Variants in MEF2A observed in about 807,000 individuals in gnomAD.
MEF2A encodes myocyte-specific enhancer factor 2A.
Under a neutral mutation model 55.8 loss-of-function variants are expected in MEF2A, and 28 were observed. The ratio of observed to expected loss-of-function variants is 0.50; its 90% CI spans 0.37 to 0.69. The LOEUF is 0.69. Ranked by LOEUF, MEF2A falls within the 30% of genes least tolerant of loss-of-function variation. The pLI, the probability that MEF2A is intolerant of heterozygous loss-of-function variation, is 0.00. For synonymous variants in MEF2A, 239 were observed against 227.1 expected (o/e 1.05, Z -0.47); for missense variants, 528 against 626.2 (o/e 0.84, Z 1.67).
chr15:99,573,155 G>A (rs1003331090), intron 1 of MEF2A, among the ~76,000 whole-genome samples: 1 of 152,104 alleles, frequency 6.6e-6, no homozygotes, highest in Non-Finnish European at 1.5e-5. Flanking sequence ...GGGCGTGGTG[G>A]TGGGCACCAG....
At chr15:99,666,599 A>AATAATAATAAT (rs1227167823) in intron 4 of MEF2A, among the ~76,000 whole-genome samples, 3 of 148,460 alleles carry the variant, frequency 2.0e-5, no homozygotes, top group Admixed American at 6.7e-5. Flanking sequence ...TAATAATAAT[A>AATAATAATAAT]ATAATAATAA....
In MEF2A at chr15:99,715,858, A is replaced by G. The variant is rs1407289497; in HGVS notation, c.*3087A>G. The G allele has an allele frequency of 6.6e-6, 1 of 152,306 alleles. No homozygotes were observed. The highest frequency in any genetic ancestry group is 1.5e-5 in the Non-Finnish European group (1 of 68,140). The allele number at this position is 152,306 out of a possible 1,614,324, so 9.4% of individuals were successfully genotyped here. A position where few individuals can be genotyped will look rare whatever the true frequency, so the allele number is the denominator to read the frequency against. On this transcript the variant is annotated 3_prime_UTR_variant, in exon 12 of 12. Coordinates refer to ENST00000557942, the MANE Select transcript of MEF2A (RefSeq NM_001319206.4). The stretch of plus-strand genomic sequence containing the variant: ...TGTTGTGTGTACACAGGTGGTCCCA[A>G]TCAAAACTCCATCTTTTGAGCCCAA...
chr15:99,681,534 G>T (rs756910505), intron 7 of MEF2A, among the ~76,000 whole-genome samples: 1 of 152,214 alleles, frequency 6.6e-6, no homozygotes, highest in African/African-American at 2.4e-5. Context: ...CAGCATTCAT[G>T]CTTCATGAAG....
intron 3 of MEF2A, among the ~76,000 whole-genome samples, chr15:99,642,981 A>AAC (rs1268994107): frequency 1.3e-5 from 2 of 152,200 alleles, no homozygotes; most frequent in African/African-American, 4.8e-5. Context: ...GAGAGGAGTA[A>AAC]ACATGACTTT....
At chr15:99,570,853 G>T (rs536330974) in intron 1 of MEF2A, among the ~76,000 whole-genome samples, 2 of 151,930 alleles carry the variant, frequency 1.3e-5, no homozygotes, top group Non-Finnish European at 2.9e-5. Flanking sequence ...GATCAATAGA[G>T]TGGCAGTAAT....
chr15:99,604,565 C>T (rs1454644323), intron 2 of MEF2A, among the ~76,000 whole-genome samples: 1 of 151,770 alleles, frequency 6.6e-6, no homozygotes, highest in Non-Finnish European at 1.5e-5. Flanking sequence ...ATGCCCTTGT[C>T]AGTTCTGTTA....
intron 4 of MEF2A, among the ~76,000 whole-genome samples, chr15:99,652,301 G>C (rs2046979371): frequency 6.6e-6 from 1 of 152,164 alleles, no homozygotes; most frequent in African/African-American, 2.4e-5. Flanking sequence ...TAGATCCCTT[G>C]CTCGTGCAGT....
intron 3 of MEF2A, among the ~76,000 whole-genome samples, chr15:99,639,057 CA>C (rs2044410338): frequency 6.6e-6 from 1 of 152,058 alleles, no homozygotes; most frequent in Non-Finnish European, 1.5e-5. Context: ...AGAAAGAAAG[CA>C]GTTTAAAAAT....
chr15:99,658,115 A>G, intron 4 of MEF2A, among the ~76,000 whole-genome samples: 1 of 152,198 alleles, frequency 6.6e-6, no homozygotes, highest in Admixed American at 6.6e-5. Flanking sequence ...AGCAGAAAAT[A>G]GCTCTTATAT....
chr15:99,629,878 T>TG (rs369619355), intron 2 of MEF2A, among the ~76,000 whole-genome samples: 27 of 151,660 alleles, frequency 1.8e-4, no homozygotes, highest in African/African-American at 6.5e-4. Flanking sequence ...AAGCGGAAGT[T>TG]GCAGTGAGCC....
intron 4 of MEF2A, among the ~76,000 whole-genome samples, chr15:99,656,977 A>G (rs1171959849): frequency 6.6e-6 from 1 of 152,020 alleles, no homozygotes; most frequent in Non-Finnish European, 1.5e-5. Flanking sequence ...TCCTTCCCCT[A>G]CATCCTGGCA....
intron 7 of MEF2A, 77 bp from the exon 8 acceptor site, chr15:99,690,163 TG>T: frequency 7.2e-7 from 1 of 1,388,590 alleles, no homozygotes; most frequent in Non-Finnish European, 9.9e-7. Flanking sequence ...CAACTCAGAC[TG>T]GGGAAAACTT....
intron 3 of MEF2A, among the ~76,000 whole-genome samples, chr15:99,644,034 ATATT>A (rs1461967489): frequency 1.3e-5 from 2 of 152,220 alleles, no homozygotes; most frequent in South Asian, 2.1e-4. Flanking sequence ...TGTTAAATGA[ATATT>A]TAAAGAACCT....
chr15:99,671,395 T>G lies in MEF2A; in HGVS notation c.331T>G (p.Ser111Ala). 9 of 1,613,944 alleles carry G rather than the reference T, an allele frequency of 5.6e-6. No individual in the cohort carries two copies. The highest frequency in any genetic ancestry group is 7.6e-6 in the Non-Finnish European group (9 of 1,179,812). The change falls in exon 5 of 12, where the codon TCG (serine) becomes GCG (alanine). Residue 111 changes from serine to alanine, a missense_variant. Physicochemically the swap from Ser to Ala is moderately conservative, Grantham distance 99. Coordinates refer to ENST00000557942, the MANE Select transcript of MEF2A (RefSeq NM_001319206.4). Reference protein sequence around the residue: ...ADDYFEHSPLSEDRFSKLNED... With the variant: ...ADDYFEHSPLAEDRFSKLNED... Reference sequence around the variant, plus strand: ...CGATTACTTTGAGCACAGTCCACTCTCGGAGGACAGATTCAGCAAACTAAA... The same window carrying G: ...CGATTACTTTGAGCACAGTCCACTCGCGGAGGACAGATTCAGCAAACTAAA...
At chr15:99,635,203 C>T (rs571085724) in intron 3 of MEF2A, among the ~76,000 whole-genome samples, 8 of 152,268 alleles carry the variant, frequency 5.3e-5, no homozygotes, top group Admixed American at 2.0e-4. Context: ...GAAGAAACCG[C>T]TAACTTCTGA....
chr15:99,577,401 T>C (rs1964632707), intron 1 of MEF2A, among the ~76,000 whole-genome samples: 1 of 54,644 alleles, frequency 1.8e-5, no homozygotes, highest in Non-Finnish European at 6.4e-5. Context: ...CTGGGCTAGG[T>C]GCTGCAAGGC....
At chr15:99,592,656 A>G (rs1969726420) in intron 1 of MEF2A, among the ~76,000 whole-genome samples, 1 of 152,122 alleles carries the variant, frequency 6.6e-6, no homozygotes, top group Non-Finnish European at 1.5e-5. Context: ...GGAAAAGGGG[A>G]GCAAGCTTGT....
chr15:99,659,238 G>A (rs1044277614), intron 4 of MEF2A, among the ~76,000 whole-genome samples: 1 of 151,994 alleles, frequency 6.6e-6, no homozygotes, highest in African/African-American at 2.4e-5. Context: ...TCCAGCTCCT[G>A]GGAGACAAGG....
chr15:99,597,975 A>G (rs1009311686), intron 1 of MEF2A, among the ~76,000 whole-genome samples: 4 of 152,224 alleles, frequency 2.6e-5, no homozygotes, highest in Non-Finnish European at 5.9e-5. Context: ...ATACAGGTAT[A>G]TTTTATGGTG....
Sources: gnomAD v4.1 joint callset for allele counts (sites outside exome capture counted in the v4.1 genomes callset) on GRCh38, gnomAD v4.1.1 for gene constraint, MANE v1.5 for transcripts, NCBI Gene and HGNC (gene_info 2026-07-23, HGNC 2026-07-21) for gene names.